The following PARD3 variants were observed in gnomAD, a reference collection of about 807,000 sequenced individuals.
PARD3 encodes the protein partitioning defective 3 homolog.
A neutral mutation model predicts 155.4 loss-of-function variants in PARD3; 75 were observed. The ratio of observed to expected loss-of-function variants is 0.48; its 90% CI spans 0.40 to 0.58. PARD3 has a LOEUF of 0.58. PARD3 is among the 20% of genes least tolerant of loss of function. The pLI is 0.00. For synonymous variants in PARD3, 576 were observed against 610.5 expected, an observed-to-expected ratio of 0.94 and a Z score of 0.83; for missense variants, 1,642 against 1,721.7, an observed-to-expected ratio of 0.95 and a Z score of 0.82.
chr10:34,607,865 G>A (rs909594668), intron 2 of PARD3, among the ~76,000 whole-genome samples: 1 of 152,188 alleles, frequency 6.6e-6, no homozygotes, highest in African/African-American at 2.4e-5. Context: ...GATCAGAGCA[G>A]GCTTTGTGGA....
At chr10:34,230,562 T>C (rs1385071654) in intron 22 of PARD3, among the ~76,000 whole-genome samples, 1 of 152,118 alleles carries the variant, frequency 6.6e-6, no homozygotes, top group Non-Finnish European at 1.5e-5. Context: ...CTCCTCCAAA[T>C]TATTTTTCCT....
At chr10:34,223,452 T>A (rs554184424) in intron 22 of PARD3, among the ~76,000 whole-genome samples, 1 of 152,324 alleles carries the variant, frequency 6.6e-6, no homozygotes, top group South Asian at 2.1e-4. Context: ...TCAGTGTGTT[T>A]CTTTATTGTT....
intron 12 of PARD3, among the ~76,000 whole-genome samples, chr10:34,362,698 T>C (rs966662432): frequency 6.6e-6 from 1 of 152,224 alleles, no homozygotes; most frequent in African/African-American, 2.4e-5. Flanking sequence ...TTTCACCATG[T>C]TGGCCAGGCT....
chr10:34,415,246 C>T (rs1845552427), intron 5 of PARD3, among the ~76,000 whole-genome samples: 1 of 152,112 alleles, frequency 6.6e-6, no homozygotes, highest in African/African-American at 2.4e-5. Flanking sequence ...CACAAACACT[C>T]CCACCCTGGC....
At chr10:34,297,314 G>A (rs1037572337) in intron 20 of PARD3, among the ~76,000 whole-genome samples, 1 of 152,068 alleles carries the variant, frequency 6.6e-6, no homozygotes, top group Non-Finnish European at 1.5e-5. Context: ...AAAAAAATAA[G>A]TAAGTAAATA....
chr10:34,696,993 A>T (rs942685051), intron 1 of PARD3, among the ~76,000 whole-genome samples: 4 of 129,788 alleles, frequency 3.1e-5, no homozygotes, highest in Non-Finnish European at 5.0e-5. Flanking sequence ...CAGAGACAAA[A>T]TGACACACAC....
chr10:34,343,161 T>C (rs1176141042), intron 15 of PARD3: 1 of 228,300 alleles, frequency 4.4e-6, no homozygotes, highest in East Asian at 1.8e-4. Context: ...CTTCAAAGTA[T>C]ATAGAATTAT....
At chr10:34,656,939 G>T (rs934376325) in intron 2 of PARD3, among the ~76,000 whole-genome samples, 4 of 152,192 alleles carry the variant, frequency 2.6e-5, no homozygotes, top group Admixed American at 1.3e-4. Flanking sequence ...CATGTTGTGA[G>T]GAAACAGCCT....
At chr10:34,467,268 G>A (rs1206582694) in intron 4 of PARD3, among the ~76,000 whole-genome samples, 2 of 151,540 alleles carry the variant, frequency 1.3e-5, no homozygotes, top group Non-Finnish European at 2.9e-5. Flanking sequence ...AATCCCTATT[G>A]TACGAAAAAT....
chr10:34,566,436 GA>G (rs1329702489), intron 2 of PARD3, among the ~76,000 whole-genome samples: 1 of 152,194 alleles, frequency 6.6e-6, no homozygotes, highest in Non-Finnish European at 1.5e-5. Context: ...CAAGTGCAAA[GA>G]TACCCTGGGG....
intron 2 of PARD3, among the ~76,000 whole-genome samples, chr10:34,560,666 A>T (rs1353407429): frequency 6.6e-6 from 1 of 152,240 alleles, no homozygotes; most frequent in African/African-American, 2.4e-5. Flanking sequence ...AGAGAGACAA[A>T]GCCTTTTCAA....
intron 19 of PARD3, among the ~76,000 whole-genome samples, chr10:34,322,844 T>C (rs1312285170): frequency 1.3e-5 from 2 of 152,142 alleles, no homozygotes; most frequent in African/African-American, 4.8e-5. Flanking sequence ...ACCTTAGAAT[T>C]AGGAATACTT....
At position 34,543,311 on chromosome 10, in the gene PARD3, T is replaced by C. The variant is rs148558179; in HGVS notation, c.223-26152A>G. Among the ~76,000 whole-genome samples the C allele has an allele frequency of 8.5e-5, 13 of 152,230 alleles. 1 individual carries two copies. Among genetic ancestry groups the C allele is most frequent in the African/African-American group, 2.9e-4 (12 of 41,536 alleles). ...AAAAAACAAAGGATTTTCTCATGTTTCTATTTAACATAAATAAAAGAATAA... is the reference window on the plus strand; with the variant it reads ...AAAAAACAAAGGATTTTCTCATGTTCCTATTTAACATAAATAAAAGAATAA... On this transcript the variant is annotated intron_variant, in intron 2 of 24. Coordinates refer to ENST00000374788, the MANE Select transcript of PARD3 (RefSeq NM_001184785.2).
rs374233481 is a variant in PARD3 at position 34,193,352 on chromosome 10, T to C, written c.3420-61769A>G. 1.7e-4 allele frequency among the ~76,000 whole-genome samples: 26 copies of C among 152,220 alleles called. 1 individual carries two copies. Among genetic ancestry groups the C allele is most frequent in the African/African-American group, 5.8e-4 (24 of 41,454 alleles). On this transcript the variant is annotated intron_variant, in intron 22 of 24. Transcript: ENST00000374788. ...GTCAGTTCTATGAAGAAACAAACAG[T>C]GCATTTTTTCCCCTTGCTTACCTAT...
chr10:34,786,303 A>G (rs1301293907), intron 1 of PARD3, among the ~76,000 whole-genome samples: 1 of 152,210 alleles, frequency 6.6e-6, no homozygotes, highest in Non-Finnish European at 1.5e-5. Context: ...TATTCTCACA[A>G]TGACTCTTCC....
At chr10:34,652,217 T>A (rs1046495462) in intron 2 of PARD3, among the ~76,000 whole-genome samples, 1 of 152,168 alleles carries the variant, frequency 6.6e-6, no homozygotes, top group African/African-American at 2.4e-5. Flanking sequence ...CTGGCTGAAA[T>A]TCTGTAAACA....
chr10:34,683,434 A>G (rs1360608637), intron 2 of PARD3, among the ~76,000 whole-genome samples: 1 of 151,596 alleles, frequency 6.6e-6, no homozygotes, highest in Non-Finnish European at 1.5e-5. Context: ...TACTATGATT[A>G]TACCCCATTT....
intron 1 of PARD3, among the ~76,000 whole-genome samples, chr10:34,806,200 T>A (rs1337104646): frequency 6.7e-6 from 1 of 148,178 alleles, no homozygotes; most frequent in African/African-American, 2.5e-5. Flanking sequence ...CTGGCTAATT[T>A]TTTTTTTTTT....
intron 22 of PARD3, among the ~76,000 whole-genome samples, chr10:34,225,377 CTCTTG>C (rs1165516096): frequency 3.3e-5 from 5 of 151,346 alleles, no homozygotes; most frequent in African/African-American, 1.2e-4. Context: ...CAGAGTTTCA[CTCTTG>C]TTGCCCAGGC....
Sources: gnomAD v4.1 joint callset for allele counts (sites outside exome capture counted in the v4.1 genomes callset) on GRCh38, gnomAD v4.1.1 for gene constraint, MANE v1.5 for transcripts, NCBI Gene and HGNC (gene_info 2026-07-23, HGNC 2026-07-21) for gene names.